LINGO2: variants seen among roughly 807,000 people sequenced by gnomAD.
The protein encoded by LINGO2 is leucine-rich repeat and immunoglobulin-like domain-containing nogo receptor-interacting protein 2.
Under a neutral mutation model 30.6 loss-of-function variants are expected in LINGO2, and 14 were observed. The ratio of observed to expected loss-of-function variants is 0.46; its 90% CI spans 0.30 to 0.72. The LOEUF (loss-of-function observed/expected upper bound fraction) is 0.72. Among genes scored for constraint, LINGO2 ranks in the 30% least tolerant of loss-of-function variants. The probability of loss-of-function intolerance (pLI) is 0.07; values close to 1 mark genes in which losing one functional copy is unlikely to be tolerated. For missense variants in LINGO2, 729 were observed against 751.7 expected (o/e 0.97, Z 0.35); for synonymous variants, 317 against 288.5 (o/e 1.10, Z -1.00).
At chr9:28,445,106 C>A (rs1297763330) in intron 2 of LINGO2, among the ~76,000 whole-genome samples, 2 of 152,136 alleles carry the variant, frequency 1.3e-5, no homozygotes, top group African/African-American at 2.4e-5. Context: ...GGGTCCAGAG[C>A]CTGTGCTCTT....
chr9:29,158,184 T>TAAAAA, the LINGO2 span, among the ~76,000 whole-genome samples: 2 of 119,646 alleles, frequency 1.7e-5, no homozygotes, highest in East Asian at 2.7e-4. Context: ...CTACACAAAG[T>TAAAAA]AAAAAAAAAC....
At chr9:28,279,389 G>A (rs1417088188) in intron 4 of LINGO2, among the ~76,000 whole-genome samples, 1 of 152,136 alleles carries the variant, frequency 6.6e-6, no homozygotes, top group Non-Finnish European at 1.5e-5. Context: ...ATGAAAAGAA[G>A]TATCAATTGA....
At chr9:28,024,868 G>A (rs551519515) in intron 4 of LINGO2, among the ~76,000 whole-genome samples, 1 of 152,196 alleles carries the variant, frequency 6.6e-6, no homozygotes, top group South Asian at 2.1e-4. Flanking sequence ...CCCCAGCCGC[G>A]ACAATGAAAT....
the LINGO2 span, among the ~76,000 whole-genome samples, chr9:28,737,947 G>T: frequency 6.6e-6 from 1 of 151,918 alleles, no homozygotes. Flanking sequence ...CGCTAGATTT[G>T]GGCTACCCAG....
chr9:28,629,496 G>A (rs1826835349), intron 1 of LINGO2, among the ~76,000 whole-genome samples: 1 of 151,618 alleles, frequency 6.6e-6, no homozygotes. Flanking sequence ...TCTCTTCATG[G>A]TACATATATG....
At chr9:28,827,064 C>T in the LINGO2 span, among the ~76,000 whole-genome samples, 1 of 152,092 alleles carries the variant, frequency 6.6e-6, no homozygotes, top group Non-Finnish European at 1.5e-5. Flanking sequence ...TAGTTAATAG[C>T]CCATTAATAC....
chr9:28,899,358 G>T, the LINGO2 span, among the ~76,000 whole-genome samples: 1 of 152,224 alleles, frequency 6.6e-6, no homozygotes, highest in East Asian at 1.9e-4. Context: ...CTCCAGTCCT[G>T]CCCCAGTTCC....
rs180702171 is a variant in LINGO2 at position 28,252,348 on chromosome 9, C to T, written c.-87+42860G>A. 7.7e-3 allele frequency among the ~76,000 whole-genome samples: 1,170 copies of T among 152,184 alleles called. 17 individuals carry two copies. Among genetic ancestry groups the T allele is most frequent in the South Asian group, 0.011 (55 of 4,826 alleles). ...TCAAGTGATTCTCCTGCCTCAGTCT[C>T]CTGAGTAGCTGGGACTACAGGCACG... is the stretch of plus-strand genomic sequence containing the variant. On this transcript the variant is annotated intron_variant, in intron 4 of 5. Coordinates refer to ENST00000379992, the Ensembl canonical transcript of LINGO2.
chr9:28,468,262 T>G lies in LINGO2; in HGVS notation c.-279+7678A>C, dbSNP rs543603316. Reference sequence around the variant, plus strand: ...TGTGCTTCACAGGTGGAAGATGATGTCAATACCCAGTTCCCTCACTTGGAC... The same window carrying G: ...TGTGCTTCACAGGTGGAAGATGATGGCAATACCCAGTTCCCTCACTTGGAC... On this transcript the variant is annotated intron_variant, in intron 2 of 5. Transcript: ENST00000379992. Among the ~76,000 whole-genome samples the G allele has an allele frequency of 1.1e-4, 16 of 152,314 alleles. No individual in the cohort carries two copies. In the South Asian group the frequency reaches 3.3e-3, roughly 32 times the overall value.
intron 2 of LINGO2, among the ~76,000 whole-genome samples, chr9:28,383,783 G>C (rs1007379206): frequency 2.0e-5 from 3 of 151,978 alleles, no homozygotes; most frequent in Admixed American, 6.6e-5. Flanking sequence ...ATGTAATATT[G>C]TGTAAAATTA....
chr9:29,027,581 G>T, the LINGO2 span, among the ~76,000 whole-genome samples: 1 of 152,072 alleles, frequency 6.6e-6, no homozygotes, highest in Non-Finnish European at 1.5e-5. Flanking sequence ...CAAGTGATCA[G>T]CTCACCTTGG....
the LINGO2 span, among the ~76,000 whole-genome samples, chr9:29,034,953 T>C: frequency 6.6e-6 from 1 of 152,108 alleles, no homozygotes; most frequent in Non-Finnish European, 1.5e-5. Flanking sequence ...CAATGTGAAA[T>C]AACACATATA....
intron 5 of LINGO2, among the ~76,000 whole-genome samples, chr9:27,999,655 T>A (rs946514164): frequency 1.3e-5 from 2 of 152,128 alleles, no homozygotes; most frequent in African/African-American, 4.8e-5. Flanking sequence ...CTTCCAGAAG[T>A]CTTCTTTTGA....
At chr9:27,955,880 C>T (rs1415351005) in intron 5 of LINGO2, among the ~76,000 whole-genome samples, 2 of 150,994 alleles carry the variant, frequency 1.3e-5, no homozygotes, top group Non-Finnish European at 2.9e-5. Flanking sequence ...AGCATTTCCA[C>T]TAGCAATGCA....
At chr9:28,016,741 C>G (rs962981852) in intron 4 of LINGO2, among the ~76,000 whole-genome samples, 1 of 148,716 alleles carries the variant, frequency 6.7e-6, no homozygotes, top group African/African-American at 2.5e-5. Context: ...GGCAGACTCA[C>G]AGCTGAATTC....
chr9:29,168,344 T>C, the LINGO2 span, among the ~76,000 whole-genome samples: 1 of 152,108 alleles, frequency 6.6e-6, no homozygotes, highest in Admixed American at 6.5e-5. Flanking sequence ...TTGTTAGCCA[T>C]TGTCTCACAT....
chr9:28,514,524 C>G (rs907316794), intron 1 of LINGO2, among the ~76,000 whole-genome samples: 19 of 152,174 alleles, frequency 1.2e-4, no homozygotes, highest in Admixed American at 7.2e-4. Flanking sequence ...CTGGATAGAT[C>G]AAACCAGCTA....
At chr9:28,806,683 C>T in the LINGO2 span, among the ~76,000 whole-genome samples, 230 of 152,096 alleles carry the variant, frequency 1.5e-3, no homozygotes, top group Admixed American at 2.9e-3. Flanking sequence ...CAAGTTTCAT[C>T]GAAGCCATAG....
At chr9:28,086,283 A>G (rs896585) in intron 4 of LINGO2, among the ~76,000 whole-genome samples, 70,276 of 151,870 alleles carry the variant, frequency 0.46, 16,544 homozygotes, top group East Asian at 0.69. Context: ...AAATGAAAAG[A>G]TGACGCTGAT....
Sources: allele counts gnomAD v4.1 joint callset (sites outside exome capture counted in the v4.1 genomes callset), GRCh38; gene constraint gnomAD v4.1.1; transcripts MANE v1.5; gene names NCBI Gene and HGNC (gene_info 2026-07-23, HGNC 2026-07-21).